The following DPY19L1 variants were observed in gnomAD, a reference collection of about 807,000 sequenced individuals.
The protein encoded by DPY19L1 is protein C-mannosyl-transferase DPY19L1.
DPY19L1 carries 35 observed loss-of-function variants against 96.9 expected under a neutral mutation model. The ratio of observed to expected loss-of-function variants is 0.36; its 90% confidence interval spans 0.28 to 0.48. DPY19L1 has a LOEUF of 0.48. Among genes scored for constraint, DPY19L1 ranks in the 20% least tolerant of loss-of-function variants. The probability of loss-of-function intolerance (pLI) is 0.99; values close to 1 mark genes in which losing one functional copy is unlikely to be tolerated. For missense variants in DPY19L1, 521 were observed against 777.9 expected (o/e 0.67, Z 3.93); for synonymous variants, 205 against 252.6 (o/e 0.81, Z 1.79).
At chr7:35,026,222 G>A (rs1786116291) in intron 1 of DPY19L1, among the ~76,000 whole-genome samples, 1 of 152,164 alleles carries the variant, frequency 6.6e-6, no homozygotes, top group African/African-American at 2.4e-5. Flanking sequence ...CCAGTGTCCT[G>A]GAAACCAGTA....
intron 14 of DPY19L1, 29 bp downstream of exon 14, chr7:34,949,768 A>C: frequency 7.0e-7 from 1 of 1,425,516 alleles, no homozygotes; most frequent in Non-Finnish European, 9.8e-7. Flanking sequence ...CCAAAACCTT[A>C]GGAAACAGAA....
chr7:35,022,562 T>TA (rs1458940503), intron 1 of DPY19L1, among the ~76,000 whole-genome samples: 1 of 152,240 alleles, frequency 6.6e-6, no homozygotes, highest in East Asian at 1.9e-4. Context: ...CATCTCCTGT[T>TA]ACTAGACTCT....
chr7:35,006,234 TA>T (rs1490631014), intron 6 of DPY19L1, among the ~76,000 whole-genome samples: 4 of 152,210 alleles, frequency 2.6e-5, no homozygotes, highest in Non-Finnish European at 5.9e-5. Flanking sequence ...TTTAACAGCT[TA>T]ATACACTATC....
In DPY19L1 at chr7:34,931,530, C is replaced by T; in HGVS notation, c.*43G>A. 6.8e-7 allele frequency: 1 copy of T among 1,475,744 alleles called. No individual in the cohort carries two copies. Among genetic ancestry groups the T allele is most frequent in the Non-Finnish European group, 9.0e-7 (1 of 1,113,184 alleles). The allele number at this position is 1,475,744 out of a possible 1,614,324, so 91.4% of individuals were successfully genotyped here. On this transcript the variant is annotated 3_prime_UTR_variant, in exon 22 of 22. Transcript: ENST00000638088. The stretch of plus-strand genomic sequence containing the variant: ...ACATGACTTAGCAAAACATTAAAAC[C>T]ATTACAGATGTAGTTCTCCGTAGGC...
rs1317858928 is a variant in DPY19L1 at position 35,001,900 on chromosome 7, C to T, written c.764+8568G>A. Among the ~76,000 whole-genome samples, 47 of 151,812 alleles carry T rather than the reference C, an allele frequency of 3.1e-4. No homozygotes were observed. In the East Asian group the frequency reaches 5.6e-3, roughly 18 times the overall value. The stretch of plus-strand genomic sequence containing the variant: ...CAGCACTTTGGGAGGCTGAGGCGGG[C>T]GGATCACCAGGTCAAGAGATTGAGA... On this transcript the variant is annotated intron_variant, in intron 6 of 21. Transcript: ENST00000638088.
rs1007105746 is a variant in DPY19L1, at chr7:34,931,357, T to G, written c.*216A>C. On this transcript the variant is annotated 3_prime_UTR_variant, in exon 22 of 22. Coordinates refer to ENST00000638088, the MANE Select transcript of DPY19L1 (RefSeq NM_001366673.1). The stretch of plus-strand genomic sequence containing the variant: ...AAGTACAAGCATATACTCATTTGCA[T>G]AGCAAATTTTAAAGGGTGCATTGAA... The G allele has an allele frequency of 2.1e-5, 11 of 523,998 alleles. No homozygotes were observed. The highest frequency in any genetic ancestry group is 3.0e-5 in the Non-Finnish European group (10 of 331,548). 32.5% of individuals were successfully genotyped at this position (523,998 alleles called of 1,614,324 possible).
intron 16 of DPY19L1, among the ~76,000 whole-genome samples, chr7:34,942,899 T>G (rs1784054748): frequency 6.6e-6 from 1 of 152,204 alleles, no homozygotes; most frequent in South Asian, 2.1e-4. Flanking sequence ...AGGCACACGG[T>G]GGTGTCCCAG....
At chr7:34,984,333 C>A (rs779685092) in intron 7 of DPY19L1, among the ~76,000 whole-genome samples, 1 of 151,978 alleles carries the variant, frequency 6.6e-6, no homozygotes, top group African/African-American at 2.4e-5. Context: ...AGATGAGGGG[C>A]GCAGAGGCAT....
chr7:34,968,835 TA>T (rs1023997296), intron 9 of DPY19L1, among the ~76,000 whole-genome samples: 102 of 46,782 alleles, frequency 2.2e-3, no homozygotes, highest in African/African-American at 7.8e-3. Context: ...ATCAGTACAA[TA>T]AAAAAAAATA....
chr7:35,011,193 T>C, intron 5 of DPY19L1, 137 bp downstream of exon 5: 2 of 1,001,858 alleles, frequency 2.0e-6, no homozygotes, highest in Non-Finnish European at 2.9e-6. Context: ...GCCCAAATTC[T>C]GGACTTGCAG....
rs1783738485 is a variant in DPY19L1, at chr7:34,930,890, G to A, written c.*683C>T. 3 of 152,034 alleles carry A rather than the reference G, an allele frequency of 2.0e-5. No homozygotes were observed. In the South Asian group the frequency reaches 6.2e-4, roughly 32 times the overall value. The allele number at this position is 152,034 out of a possible 1,614,324, so 9.4% of individuals were successfully genotyped here. A position where few individuals can be genotyped will look rare whatever the true frequency, so the allele number is the denominator to read the frequency against. On this transcript the variant is annotated 3_prime_UTR_variant, in exon 22 of 22. Transcript: ENST00000638088. ...AATATGGGGAAGAGGAGAAGAGAGA[G>A]AGCAAGAGAGAGAGAGAAAGAGACA...
Position 34,940,233 on chromosome 7 carries a change from G to T in DPY19L1, c.1784C>A (p.Thr595Asn). Reference protein sequence around the residue: ...MSIQGSANLQTQWNIVGEFSN... With the variant: ...MSIQGSANLQNQWNIVGEFSN... ...GAACTCCCCTACAATATTCCACTGG[G>T]TTTGCAGATTTGCTGAACCTTGTAT... The change falls in exon 19 of 22, where the codon ACC becomes AAC. Residue 595 changes from threonine (T) to asparagine (N), a missense_variant. Thr to Asn is a moderately conservative substitution (Grantham distance 65). Coordinates refer to ENST00000638088, the MANE Select transcript of DPY19L1 (RefSeq NM_001366673.1). 1 of 1,611,674 alleles carries T rather than the reference G, an allele frequency of 6.2e-7. No homozygotes were observed. The highest frequency in any genetic ancestry group is 8.5e-7 in the Non-Finnish European group (1 of 1,179,650).
At chr7:34,991,592 G>A (rs765059975) in intron 6 of DPY19L1, among the ~76,000 whole-genome samples, 20 of 151,962 alleles carry the variant, frequency 1.3e-4, no homozygotes, top group Non-Finnish European at 2.6e-4. Context: ...TAGAGTTAAC[G>A]GTTTAAAAAA....
At chr7:34,963,443 A>C (rs1467886040) in intron 10 of DPY19L1, among the ~76,000 whole-genome samples, 1 of 152,214 alleles carries the variant, frequency 6.6e-6, no homozygotes, top group African/African-American at 2.4e-5. Flanking sequence ...AAATAGATTT[A>C]CCATATGATC....
chr7:34,957,250 C>T (rs1784398659), intron 11 of DPY19L1, among the ~76,000 whole-genome samples: 1 of 152,068 alleles, frequency 6.6e-6, no homozygotes, highest in Admixed American at 6.5e-5. Context: ...GGCATGGTGG[C>T]ACATGCCTGT....
In DPY19L1 at chr7:35,037,176, C is replaced by A. The variant is rs887216649; in HGVS notation, c.219G>T (p.Gly73=). The change falls in exon 1 of 22, where the codon GGG becomes GGT. Residue 73 remains glycine, a synonymous_variant. Transcript: ENST00000638088. ...CCCAGCGCAGCCGGGCGGCCAGGCG[C>A]CCCCCAAGGCCGCCCCCGGCGGGCG... ...GAPPAGGGLG[G]RLAARLRWAL... The A allele has an allele frequency of 2.0e-5, 3 of 147,914 alleles. No homozygotes were observed. The highest frequency in any genetic ancestry group is 2.1e-4 in the South Asian group (1 of 4,832). 9.2% of individuals were successfully genotyped at this position (147,914 alleles called of 1,614,324 possible).
chr7:34,972,482 A>G (rs1584229023), intron 8 of DPY19L1, among the ~76,000 whole-genome samples: 1 of 152,290 alleles, frequency 6.6e-6, no homozygotes, highest in South Asian at 2.1e-4. Flanking sequence ...GAGGTAGAAA[A>G]GCAGGAAGGA....
intron 1 of DPY19L1, among the ~76,000 whole-genome samples, chr7:35,021,271 A>G (rs1785989818): frequency 1.3e-5 from 2 of 152,110 alleles, no homozygotes; most frequent in African/African-American, 4.8e-5. Context: ...GACCTTCACA[A>G]TTCTGGAGTG....
At chr7:35,024,272 C>A (rs1362821355) in intron 1 of DPY19L1, among the ~76,000 whole-genome samples, 1 of 152,198 alleles carries the variant, frequency 6.6e-6, no homozygotes, top group African/African-American at 2.4e-5. Flanking sequence ...TACTAACCCT[C>A]AAGTGACAAA....
Sources: gnomAD v4.1 joint callset for allele counts (sites outside exome capture counted in the v4.1 genomes callset) on GRCh38, gnomAD v4.1.1 for gene constraint, MANE v1.5 for transcripts, NCBI Gene and HGNC (gene_info 2026-07-23, HGNC 2026-07-21) for gene names.